The following CSAG1 variants were observed in gnomAD, a reference collection of about 807,000 sequenced individuals.
CSAG1 encodes the protein chondrosarcoma associated gene 1.
Under a neutral mutation model 4.8 loss-of-function variants are expected in CSAG1, and 4 were observed. The ratio of observed to expected loss-of-function variants is 0.83; its 90% confidence interval spans 0.41 to 1.90. CSAG1 has a LOEUF of 1.90. Ranked by LOEUF, CSAG1 falls within the 40% of genes most tolerant of loss-of-function variation. The pLI, the probability that CSAG1 is intolerant of heterozygous loss-of-function variation, is 0.03. For missense variants in CSAG1, 69 were observed against 59.5 expected, an observed-to-expected ratio of 1.16 and a Z score of -0.53; for synonymous variants, 21 against 23.1, an observed-to-expected ratio of 0.91 and a Z score of 0.26.
chrX:152,728,186 C>T lies in CSAG1; in HGVS notation c.55G>A (p.Gly19Arg), dbSNP rs1932063852. ...AGTCTACTCCAGTCCACCTGGTCTC[C>T]CCGAGCTTCCCCCAGGACAGTGAAG... The part of the protein sequence containing the change: ...PAFTVLGEAR[G>R]DQVDWSRLYR... The change falls in exon 3 of 4, where the codon GGA becomes AGA. Residue 19 changes from glycine (G) to arginine (R), a missense_variant. Gly to Arg is a moderately radical substitution (Grantham distance 125, BLOSUM62 -2). Transcript: ENST00000452779. 1.4e-5 allele frequency: 17 copies of T among 1,209,369 alleles called. No individual in the cohort carries two copies. Among genetic ancestry groups the T allele is most frequent in the African/African-American group, 3.5e-5 (2 of 57,072 alleles).
intron 2 of CSAG1, among the ~76,000 whole-genome samples, chrX:152,731,726 G>A (rs1299220212): frequency 5.1e-4 from 50 of 97,697 alleles, no homozygotes; most frequent in East Asian, 6.2e-4. Context: ...TTTAACATCA[G>A]AAAAAAAAAA....
At position 152,728,157 on chromosome X, in the gene CSAG1, G is replaced by C. The variant is rs1556830790; in HGVS notation, c.84C>G (p.Tyr28Ter). The C allele has an allele frequency of 0.17, 210,030 of 1,208,273 alleles. 13,447 individuals are homozygous for C. Among genetic ancestry groups the C allele is most frequent in the Non-Finnish European group, 0.19 (174,401 of 894,433 alleles). ...ACATCTTCACCAGACCAGTGTCTCT[G>C]TACAGTCTACTCCAGTCCACCTGGT... ...RGDQVDWSRLYRDTGLVKMSR... is the reference protein window; with the variant it reads ...RGDQVDWSRL Residue 28 changes from tyrosine (Y) to a stop codon, truncating the protein, a stop_gained, in exon 3 of 4, where the codon TAC (tyrosine) becomes TAG (stop). Coordinates refer to ENST00000452779, the MANE Select transcript of CSAG1 (RefSeq NM_001102576.3). LOFTEE classifies it high-confidence loss of function.
At chrX:152,730,619 C>T (rs868923436) in intron 2 of CSAG1, among the ~76,000 whole-genome samples, 3 of 111,970 alleles carry the variant, frequency 2.7e-5, no homozygotes, top group African/African-American at 9.8e-5. Flanking sequence ...TTCCAACCTC[C>T]AGAATGTGAG....
intron 2 of CSAG1, among the ~76,000 whole-genome samples, chrX:152,730,078 G>A (rs1361513564): frequency 1.9e-5 from 2 of 102,701 alleles, no homozygotes; most frequent in Non-Finnish European, 4.0e-5. Flanking sequence ...TCAATGAAAA[G>A]GAATAAGTTA....
rs1556830773 is a variant in CSAG1 at position 152,728,109 on chromosome X, G to T, written c.132C>A (p.Ser44Arg). The T allele has an allele frequency of 3.1e-5, 37 of 1,210,963 alleles. No individual in the cohort carries two copies. The highest frequency in any genetic ancestry group is 4.0e-5 in the Non-Finnish European group (36 of 895,139). The stretch of plus-strand genomic sequence containing the variant: ...TTGATGGGTGGTTGTTGGAAAATGG[G>T]CTGGAGGCTCGTGGTTTCCTGGACA... ...VKMSRKPRAS[S>R]PFSNNHPSTP... is the part of the protein sequence containing the mutation. The change falls in exon 3 of 4, where the codon AGC becomes AGA. Residue 44 changes from serine to arginine, a missense_variant. Transcript: ENST00000452779.
chrX:152,727,895 C>T, intron 3 of CSAG1, 32 bp from the exon 4 acceptor site: 1 of 1,202,620 alleles, frequency 8.3e-7, no homozygotes, highest in Non-Finnish European at 1.1e-6. Context: ...CACAGGAGGG[C>T]ACTGGTTTGG....
intron 2 of CSAG1, among the ~76,000 whole-genome samples, chrX:152,730,063 A>C (rs1393597492): frequency 1.0e-5 from 1 of 99,739 alleles, no homozygotes; most frequent in Non-Finnish European, 2.0e-5. Flanking sequence ...TGATACTACT[A>C]CTCCTCAATG....
chrX:152,727,908 A>G, intron 3 of CSAG1, 45 bp from the exon 4 acceptor site: 1 of 1,197,831 alleles, frequency 8.3e-7, no homozygotes, highest in Non-Finnish European at 1.1e-6. Context: ...TGGTTTGGGG[A>G]AGAGGATGGA....
At chrX:152,727,892 G>A (rs1556830620) in intron 3 of CSAG1, 29 bp from the exon 4 acceptor site, 3 of 1,201,018 alleles carry the variant, frequency 2.5e-6, no homozygotes, top group Non-Finnish European at 3.4e-6. Context: ...GATCACAGGA[G>A]GGCACTGGTT....
intron 2 of CSAG1, among the ~76,000 whole-genome samples, chrX:152,728,927 A>G (rs1349041710): frequency 8.9e-6 from 1 of 111,839 alleles, no homozygotes; most frequent in Admixed American, 9.5e-5. Context: ...ACCTCTTTTA[A>G]CATTAATCAC....
chrX:152,732,292 A>C (rs1220704116), intron 2 of CSAG1, among the ~76,000 whole-genome samples, 153 bp downstream of exon 2: 4 of 112,663 alleles, frequency 3.6e-5, no homozygotes, highest in Non-Finnish European at 5.6e-5. Flanking sequence ...AAAATGTATA[A>C]GCTGCTTATA....
intron 2 of CSAG1, among the ~76,000 whole-genome samples, chrX:152,730,081 A>G (rs1464671479): frequency 1.9e-5 from 2 of 105,928 alleles, no homozygotes; most frequent in African/African-American, 3.4e-5. Context: ...ATGAAAAGGA[A>G]TAAGTTACAA....
In CSAG1 at chrX:152,727,704, A is replaced by G. The variant is rs1251060698; in HGVS notation, c.*90T>C. The G allele has an allele frequency of 7.8e-5, 85 of 1,088,248 alleles. No homozygotes were observed. The highest frequency in any genetic ancestry group is 5.6e-4 in the Middle Eastern group (2 of 3,568). The allele number at this position is 1,088,248 out of a possible 1,213,427, so 89.7% of individuals were successfully genotyped here. A position where few individuals can be genotyped will look rare whatever the true frequency, so the allele number is the denominator to read the frequency against. On this transcript the variant is annotated 3_prime_UTR_variant, in exon 4 of 4. Coordinates refer to ENST00000452779, the MANE Select transcript of CSAG1 (RefSeq NM_001102576.3). ...TGCCCTTGTGGTCCTGCTATGGCGC[A>G]TTTTGATTGAGTTCCTCGTTCGGCT...
At position 152,728,326 on chromosome X, in the gene CSAG1, C is replaced by A. The variant is rs1469956504; in HGVS notation, c.17-102G>T. The A allele has an allele frequency of 1.3e-5, 11 of 819,581 alleles. No individual in the cohort carries two copies. The Admixed American group carries it at 2.5e-4, about 18-fold the overall frequency. 67.5% of individuals were successfully genotyped at this position (819,581 alleles called of 1,213,427 possible). On this transcript the variant is annotated intron_variant, in intron 2 of 3. Transcript: ENST00000452779. ...CTTCAACTAATTGGATGAGGCCTATCCACATTATGGAAGTTAAATTGCTTT... is the reference window on the plus strand; with the variant it reads ...CTTCAACTAATTGGATGAGGCCTATACACATTATGGAAGTTAAATTGCTTT...
intron 1 of CSAG1, chrX:152,732,899 T>A (rs782367893): frequency 1.0e-3 from 132 of 130,702 alleles, no homozygotes; most frequent in African/African-American, 4.2e-3. Flanking sequence ...GAATTACGTT[T>A]AAAAAAAAAT....
chrX:152,732,356 A>C (rs1932176207), intron 2 of CSAG1, 89 bp downstream of exon 2: 5 of 1,099,293 alleles, frequency 4.5e-6, no homozygotes, highest in Non-Finnish European at 6.0e-6. Flanking sequence ...CTTGACATAC[A>C]TAGAGGAGTA....
intron 2 of CSAG1, among the ~76,000 whole-genome samples, chrX:152,731,265 G>GT (rs1932149798): frequency 8.9e-6 from 1 of 111,768 alleles, no homozygotes; most frequent in South Asian, 3.7e-4. Context: ...CTAATAAAAC[G>GT]TTTTTTATCA....
chrX:152,732,516 T>C lies in CSAG1; in HGVS notation c.-44-12A>G, dbSNP rs368564587. 3.3e-6 allele frequency: 4 copies of C among 1,208,454 alleles called. No individual in the cohort carries two copies. Among genetic ancestry groups the C allele is most frequent in the East Asian group, 3.0e-5 (1 of 33,715 alleles). On this transcript the variant is annotated splice_polypyrimidine_tract_variant and intron_variant, in intron 1 of 3. Transcript: ENST00000452779. ...TTCCCAAATCAACCCTGTAAATTTA[T>C]AGAATGGAAACAGAAAGTAAAAAAC...
At chrX:152,731,403 A>G (rs1202091478) in intron 2 of CSAG1, among the ~76,000 whole-genome samples, 3 of 112,651 alleles carry the variant, frequency 2.7e-5, no homozygotes, top group African/African-American at 6.5e-5. Flanking sequence ...CTGAAACTGT[A>G]CAATATTCAA....
Sources: gnomAD v4.1 joint callset for allele counts (sites outside exome capture counted in the v4.1 genomes callset) on GRCh38, gnomAD v4.1.1 for gene constraint, MANE v1.5 for transcripts, NCBI Gene and HGNC (gene_info 2026-07-23, HGNC 2026-07-21) for gene names.